CNTRL: variants seen among roughly 807,000 people sequenced by gnomAD.
CNTRL encodes the protein centriolin.
In CNTRL, 233 loss-of-function variants were observed where a neutral mutation model predicts 303.7. The observed-to-expected ratio is 0.77, with a 90% CI of 0.69 to 0.86. CNTRL has a LOEUF of 0.86. Ranked by LOEUF, CNTRL falls within the 40% of genes least tolerant of loss-of-function variation. CNTRL has a pLI of 0.00. For synonymous variants in CNTRL, 900 were observed against 922.2 expected (o/e 0.98, Z 0.44); for missense variants, 2,524 against 2,650.6 (o/e 0.95, Z 1.05).
chr9:121,101,991 A>G (rs1461570162), intron 7 of CNTRL, among the ~76,000 whole-genome samples: 3 of 152,238 alleles, frequency 2.0e-5, no homozygotes, highest in Non-Finnish European at 4.4e-5. Flanking sequence ...AGCTGGTACC[A>G]TTCCTTCTGA....
At position 121,158,471 on chromosome 9, in the gene CNTRL, C is replaced by T. The variant is rs974129288; in HGVS notation, c.4764+362C>T. The T allele has an allele frequency of 8.4e-5, 19 of 225,036 alleles. 1 individual carries two copies. The highest frequency in any genetic ancestry group is 5.2e-4 in the South Asian group (5 of 9,560). The allele number at this position is 225,036 out of a possible 1,614,324, so 13.9% of individuals were successfully genotyped here. A position where few individuals can be genotyped will look rare whatever the true frequency, so the allele number is the denominator to read the frequency against. ...CTTCTTTTTTTTTTGTAAACAAATACGTATTGTCTTTAAAATTGCAACGAA... is the reference window on the plus strand; with the variant it reads ...CTTCTTTTTTTTTTGTAAACAAATATGTATTGTCTTTAAAATTGCAACGAA... On this transcript the variant is annotated intron_variant, in intron 30 of 43. Transcript: ENST00000373855.
intron 21 of CNTRL, 138 bp downstream of exon 21, chr9:121,145,097 C>T (rs1286195933): frequency 8.8e-7 from 1 of 1,134,224 alleles, no homozygotes; most frequent in Middle Eastern, 2.3e-4. Flanking sequence ...CTACTGTGTG[C>T]CAGGCTTGGT....
Position 121,098,505 on chromosome 9 carries a change from G to T in CNTRL, c.741G>T (p.Leu247Phe). 2 of 1,613,862 alleles carry T rather than the reference G, an allele frequency of 1.2e-6. No individual in the cohort carries two copies. Among genetic ancestry groups the T allele is most frequent in the Non-Finnish European group, 1.7e-6 (2 of 1,179,850 alleles). The change falls in exon 7 of 44, where the codon TTG becomes TTT. Residue 247 changes from leucine to phenylalanine, a missense_variant. Transcript: ENST00000373855. Reference protein sequence around the residue: ...LQFTIFHLRSLESLEGQPVTT... With the variant: ...LQFTIFHLRSFESLEGQPVTT... ...TTACCATTTTCCACCTCCGTTCATT[G>T]GAAAGTTTGGAAGGTCAGCCAGTAA... is the stretch of plus-strand genomic sequence containing the variant.
rs188506315 is a variant in CNTRL at position 121,128,215 on chromosome 9, G to A, written c.2025+2279G>A. ...TCTAGTTCTAGATCCTTGAGGAATC[G>A]CCACATTGTCTTCCACAAAGGTTGA... On this transcript the variant is annotated intron_variant, in intron 14 of 43. Transcript: ENST00000373855. Among the ~76,000 whole-genome samples the A allele has an allele frequency of 5.1e-3, 769 of 152,236 alleles. 6 individuals carry two copies. The highest frequency in any genetic ancestry group is 0.011 in the South Asian group (52 of 4,822).
intron 32 of CNTRL, chr9:121,161,630 G>A (rs1020787790): frequency 1.7e-5 from 8 of 466,560 alleles, no homozygotes; most frequent in African/African-American, 4.0e-5. Flanking sequence ...TTACAGGTGC[G>A]TGCTGCTGCA....
At chr9:121,128,980 G>C (rs1264144562) in intron 14 of CNTRL, among the ~76,000 whole-genome samples, 1 of 152,142 alleles carries the variant, frequency 6.6e-6, no homozygotes, top group Non-Finnish European at 1.5e-5. Context: ...TGCAGTCTCT[G>C]TTCTGTTCCA....
intron 13 of CNTRL, 141 bp downstream of exon 13, chr9:121,124,225 A>T: frequency 3.9e-6 from 3 of 772,326 alleles, no homozygotes; most frequent in Non-Finnish European, 5.8e-6. Context: ...TATTTACAGG[A>T]TACCCAAAAG....
chr9:121,162,836 A>C (rs1040955389), intron 34 of CNTRL, among the ~76,000 whole-genome samples: 2 of 152,214 alleles, frequency 1.3e-5, no homozygotes, highest in African/African-American at 4.8e-5. Context: ...ATTAGTGTAA[A>C]GATAAACACA....
chr9:121,104,694 A>ATTT (rs10693661), intron 7 of CNTRL, among the ~76,000 whole-genome samples: 9,904 of 96,298 alleles, frequency 0.1, 875 homozygotes, highest in Middle Eastern at 0.16. Context: ...GCCACTGGCA[A>ATTT]TTTTTTTTTT....
At position 121,164,910 on chromosome 9, in the gene CNTRL, A is replaced by G. The variant is rs759156742; in HGVS notation, c.5424-33A>G. Reference sequence around the variant, plus strand: ...TCAGTCATCTCCTGTGTGTGCTTGTATATTTGACAGTCTGACTTACTCTCT... The same window carrying G: ...TCAGTCATCTCCTGTGTGTGCTTGTGTATTTGACAGTCTGACTTACTCTCT... On this transcript the variant is annotated intron_variant, in intron 34 of 43. Coordinates refer to ENST00000373855, the MANE Select transcript of CNTRL (RefSeq NM_007018.6). The G allele has an allele frequency of 2.3e-5, 36 of 1,583,864 alleles. No individual in the cohort carries two copies. The South Asian group carries it at 3.5e-4, about 15-fold the overall frequency.
intron 1 of CNTRL, among the ~76,000 whole-genome samples, chr9:121,078,003 A>T (rs1395590618): frequency 6.6e-6 from 1 of 152,196 alleles, no homozygotes; most frequent in Non-Finnish European, 1.5e-5. Context: ...GTCATCTTTT[A>T]ATCCATTTAA....
chr9:121,167,399 C>G (rs1307319794), intron 36 of CNTRL, 90 bp from the exon 37 acceptor site: 17 of 987,566 alleles, frequency 1.7e-5, no homozygotes, highest in Non-Finnish European at 2.2e-5. Context: ...GCCTCTCGTT[C>G]TGTCAGACTT....
intron 38 of CNTRL, among the ~76,000 whole-genome samples, chr9:121,168,782 G>T (rs761271629): frequency 1.3e-5 from 2 of 152,148 alleles, no homozygotes; most frequent in Non-Finnish European, 2.9e-5. Flanking sequence ...TGAAGTTGAC[G>T]TGGGAATCCA....
At chr9:121,151,009 G>A (rs1251824551) in intron 25 of CNTRL, among the ~76,000 whole-genome samples, 2 of 152,140 alleles carry the variant, frequency 1.3e-5, no homozygotes, top group Admixed American at 6.5e-5. Flanking sequence ...TATGCACACA[G>A]GTATGGACAG....
intron 23 of CNTRL, among the ~76,000 whole-genome samples, chr9:121,146,599 C>T (rs1056611230): frequency 2.6e-5 from 4 of 152,284 alleles, no homozygotes; most frequent in South Asian, 4.2e-4. Flanking sequence ...GTCCTTTTAA[C>T]GAACATTCAT....
chr9:121,148,834 G>A lies in CNTRL; in HGVS notation c.3622G>A (p.Gly1208Arg). 1 of 1,613,402 alleles carries A rather than the reference G, an allele frequency of 6.2e-7. No homozygotes were observed. Among genetic ancestry groups the A allele is most frequent in the Non-Finnish European group, 8.5e-7 (1 of 1,179,894 alleles). Residue 1208 changes from glycine to arginine, a missense_variant, in exon 24 of 44, where the codon GGG (glycine) becomes AGG (arginine). By Grantham distance (125) the Gly-to-Arg change is moderately radical. Transcript: ENST00000373855. Reference sequence around the variant, plus strand: ...CTGGGTTTATTCTCCCATCAGGAGTGGGTTACATAAACTGTTTCCAAGTAG... The same window carrying A: ...CTGGGTTTATTCTCCCATCAGGAGTAGGTTACATAAACTGTTTCCAAGTAG... ...GYWVYSPIRS[G>R]LHKLFPSRDA...
intron 1 of CNTRL, among the ~76,000 whole-genome samples, chr9:121,076,801 G>C (rs1348092646): frequency 6.6e-6 from 1 of 152,112 alleles, no homozygotes; most frequent in Non-Finnish European, 1.5e-5. Context: ...CAGGATATTT[G>C]AAAGGAGGAG....
intron 8 of CNTRL, among the ~76,000 whole-genome samples, chr9:121,108,844 A>T (rs1444658778): frequency 6.6e-6 from 1 of 152,102 alleles, no homozygotes; most frequent in African/African-American, 2.4e-5. Context: ...TTTAGACAAC[A>T]CAACTGTATT....
chr9:121,157,391 A>T, intron 27 of CNTRL, 79 bp from the exon 28 acceptor site: 3 of 1,434,708 alleles, frequency 2.1e-6, no homozygotes, highest in Non-Finnish European at 2.8e-6. Flanking sequence ...TTTCCAAAAG[A>T]GCTGTACTGG....
Sources: allele counts gnomAD v4.1 joint callset (sites outside exome capture counted in the v4.1 genomes callset), GRCh38; gene constraint gnomAD v4.1.1; transcripts MANE v1.5; gene names NCBI Gene and HGNC (gene_info 2026-07-23, HGNC 2026-07-21).